CASP9: variants seen among roughly 807,000 people sequenced by gnomAD.
The protein encoded by CASP9 is caspase 9.
CASP9 carries 29 observed loss-of-function variants against 43.5 expected under a neutral mutation model. The ratio of observed to expected loss-of-function variants is 0.67; its 90% CI spans 0.50 to 0.91. CASP9 has a LOEUF of 0.91. Ranked by LOEUF, CASP9 falls within the 40% of genes least tolerant of loss-of-function variation. The pLI is 0.00. For synonymous variants in CASP9, 206 were observed against 211.9 expected (o/e 0.97, Z 0.24); for missense variants, 575 against 537.4 (o/e 1.07, Z -0.69).
intron 6 of CASP9, among the ~76,000 whole-genome samples, chr1:15,504,303 A>C (rs1225626633): frequency 6.6e-6 from 1 of 152,240 alleles, no homozygotes; most frequent in Non-Finnish European, 1.5e-5. Flanking sequence ...TGACAAGAAA[A>C]ATAAAAAGAG....
At chr1:15,524,597 C>G (rs1710376112), upstream of CASP9, 10 of 1,012,674 alleles carry the variant, frequency 9.9e-6, no homozygotes, top group Non-Finnish European at 1.2e-5. Context: ...CGTCACCGCC[C>G]CGCCCCCGCG....
At chr1:15,497,287 G>A (rs1570829036) in intron 6 of CASP9, among the ~76,000 whole-genome samples, 1 of 146,908 alleles carries the variant, frequency 6.8e-6, no homozygotes, top group African/African-American at 2.6e-5. Context: ...CTCCAGCCTG[G>A]GCAACAGAGC....
chr1:15,509,144 T>G (rs1709637257), intron 2 of CASP9, among the ~76,000 whole-genome samples: 1 of 152,218 alleles, frequency 6.6e-6, no homozygotes, highest in East Asian at 1.9e-4. Flanking sequence ...CCCATTTCAC[T>G]GGAACCCCTC....
At chr1:15,506,106 A>G (rs1709509758) in intron 4 of CASP9, 27 bp from the exon 5 acceptor site, 1 of 1,499,526 alleles carries the variant, frequency 6.7e-7, no homozygotes, top group South Asian at 1.1e-5. Flanking sequence ...CAGGTGAGCC[A>G]GAAGCACGGA....
intron 6 of CASP9, among the ~76,000 whole-genome samples, chr1:15,503,784 G>C (rs1269464223): frequency 6.6e-6 from 1 of 152,206 alleles, no homozygotes; most frequent in African/African-American, 2.4e-5. Context: ...GCAAGGAACT[G>C]ATATACCTTC....
At chr1:15,524,814 G>C, upstream of CASP9, 1 of 955,826 alleles carries the variant, frequency 1.0e-6, no homozygotes, top group Non-Finnish European at 1.2e-6. Flanking sequence ...CCGCCCCCAG[G>C]ATTCGCTCTG....
intron 3 of CASP9, among the ~76,000 whole-genome samples, chr1:15,507,538 G>A (rs745374746): frequency 3.9e-5 from 6 of 152,204 alleles, no homozygotes; most frequent in Admixed American, 6.5e-5. Context: ...ACTGACTGAT[G>A]GCTCCTTCCC....
At chr1:15,516,486 A>T (rs970997541) in intron 2 of CASP9, among the ~76,000 whole-genome samples, 15 of 27,222 alleles carry the variant, frequency 5.5e-4, no homozygotes, top group Non-Finnish European at 6.2e-4. Context: ...TCAATTAAAA[A>T]AAAAAAAAAG....
At chr1:15,498,644 G>A (rs1224867454) in intron 6 of CASP9, among the ~76,000 whole-genome samples, 3 of 151,830 alleles carry the variant, frequency 2.0e-5, no homozygotes, top group South Asian at 2.1e-4. Context: ...GACAACCAAG[G>A]GAAGAAATGT....
intron 6 of CASP9, among the ~76,000 whole-genome samples, chr1:15,497,647 A>G (rs1260946597): frequency 7.3e-6 from 1 of 137,446 alleles, no homozygotes; most frequent in Non-Finnish European, 1.5e-5. Context: ...GTCTCAAGAA[A>G]AAAAAAAAAA....
intron 4 of CASP9, 30 bp from the exon 5 acceptor site, chr1:15,506,109 A>C: frequency 1.4e-6 from 2 of 1,463,882 alleles, no homozygotes; most frequent in Non-Finnish European, 1.9e-6. Flanking sequence ...GTGAGCCAGA[A>C]GCACGGATAG....
intron 1 of CASP9, among the ~76,000 whole-genome samples, chr1:15,523,560 T>C (rs577216790): frequency 6.6e-6 from 1 of 152,310 alleles, no homozygotes; most frequent in South Asian, 2.1e-4. Context: ...TAAATCTTGC[T>C]TAAACTGCAA....
chr1:15,514,084 A>G (rs527330240), intron 2 of CASP9, among the ~76,000 whole-genome samples: 33 of 152,290 alleles, frequency 2.2e-4, no homozygotes, highest in Middle Eastern at 3.4e-3. Flanking sequence ...GTGTGTACTC[A>G]GCCCCACCAC....
intron 2 of CASP9, among the ~76,000 whole-genome samples, chr1:15,513,710 T>C (rs1570862424): frequency 6.6e-6 from 1 of 152,116 alleles, no homozygotes; most frequent in Non-Finnish European, 1.5e-5. Context: ...TTAGTAAACA[T>C]TTGTGTGAGC....
rs2308939 is a variant in CASP9 at position 15,506,955 on chromosome 1, G to A, written c.574C>T (p.Arg192Cys). The A allele has an allele frequency of 2.5e-4, 398 of 1,614,112 alleles. No homozygotes were observed. The African/African-American group carries it at 3.7e-3, about 15-fold the overall frequency. ...ATGAAATGCAGCGAGGAGAAGCGAC[G>A]CCGCAACTTCTCACAGTCGATGTTG... ...GSNIDCEKLRRRFSSLHFMVE... is the reference protein window; with the variant it reads ...GSNIDCEKLRCRFSSLHFMVE... Residue 192 changes from arginine to cysteine, a missense_variant, in exon 4 of 9, where the codon CGT becomes TGT. Coordinates refer to ENST00000333868, the MANE Select transcript of CASP9 (RefSeq NM_001229.5).
At chr1:15,502,733 A>G (rs1290095334) in intron 6 of CASP9, among the ~76,000 whole-genome samples, 3 of 152,210 alleles carry the variant, frequency 2.0e-5, no homozygotes, top group Non-Finnish European at 4.4e-5. Flanking sequence ...CACAAGACTG[A>G]CTAACTGTCC....
chr1:15,496,457 AAAG>A (rs1318313107), intron 6 of CASP9, among the ~76,000 whole-genome samples: 2 of 152,186 alleles, frequency 1.3e-5, no homozygotes, highest in Non-Finnish European at 2.9e-5. Flanking sequence ...TTCAAATTGG[AAAG>A]AAGGAGTAAA....
At chr1:15,501,539 T>C (rs1039459991) in intron 6 of CASP9, among the ~76,000 whole-genome samples, 4 of 152,176 alleles carry the variant, frequency 2.6e-5, no homozygotes, top group African/African-American at 7.2e-5. Context: ...CGCCAGGCAC[T>C]AGTGAAGAAC....
Position 15,500,123 on chromosome 1 carries a change from A to G in CASP9, c.868+4488T>C, listed in dbSNP as rs184850708. ...AGGCATCTAACAAGAGCTTTGGTTA[A>G]AAAATATAAATATATATTTAACTAT... On this transcript the variant is annotated intron_variant, in intron 6 of 8. Coordinates refer to ENST00000333868, the MANE Select transcript of CASP9 (RefSeq NM_001229.5). Among the ~76,000 whole-genome samples, 1,005 of 147,282 alleles carry G rather than the reference A, an allele frequency of 6.8e-3. 10 individuals are homozygous for G. Among genetic ancestry groups the G allele is most frequent in the Non-Finnish European group, 9.5e-3 (628 of 66,308 alleles).
Sources: allele counts gnomAD v4.1 joint callset (sites outside exome capture counted in the v4.1 genomes callset), GRCh38; gene constraint gnomAD v4.1.1; transcripts MANE v1.5; gene names NCBI Gene and HGNC (gene_info 2026-07-23, HGNC 2026-07-21).